Variants in LRIG3 observed in about 807,000 individuals in gnomAD.
The protein encoded by LRIG3 is leucine-rich repeats and immunoglobulin-like domains protein 3.
In LRIG3, 76 loss-of-function variants were observed where a neutral mutation model predicts 114.5. The ratio of observed to expected loss-of-function variants is 0.66; its 90% CI spans 0.55 to 0.80. The LOEUF (loss-of-function observed/expected upper bound fraction) is 0.80, where lower values mean the gene tolerates loss of function less well. LRIG3 is among the 30% of genes least tolerant of loss of function. LRIG3 has a pLI of 0.00. For synonymous variants in LRIG3, 512 were observed against 519.8 expected (o/e 0.98, Z 0.20); for missense variants, 1,239 against 1,382.8 (o/e 0.90, Z 1.65).
chr12:58,911,774 C>T (rs572915308), intron 3 of LRIG3, among the ~76,000 whole-genome samples: 92 of 152,096 alleles, frequency 6.0e-4, no homozygotes, highest in Non-Finnish European at 3.7e-4. Flanking sequence ...ATTAAAAGTG[C>T]TTGAGAAACA....
At chr12:58,883,489 T>G (rs1424370548) in intron 11 of LRIG3, 31 bp downstream of exon 11, 2 of 1,485,178 alleles carry the variant, frequency 1.3e-6, no homozygotes, top group South Asian at 1.4e-5. Flanking sequence ...CTCTATACTT[T>G]CAGACTCCTA....
chr12:58,903,754 G>A (rs1871956432), intron 3 of LRIG3, among the ~76,000 whole-genome samples: 1 of 151,868 alleles, frequency 6.6e-6, no homozygotes, highest in Non-Finnish European at 1.5e-5. Flanking sequence ...AAGGTGTAAG[G>A]AAGGGATCCA....
rs760327875 is a variant in LRIG3 at position 58,874,346 on chromosome 12, GCA to G, written c.2840-18_2840-17del. ...GGACTGCAACCTTTTTAATATGGGG[GCA>G]GTAACAGAAGGAGATTACAGTTAGC... On this transcript the variant is annotated splice_polypyrimidine_tract_variant and intron_variant, in intron 17 of 18. Coordinates refer to ENST00000320743, the MANE Select transcript of LRIG3 (RefSeq NM_153377.5). 5.6e-6 allele frequency: 9 copies of G among 1,607,042 alleles called. No homozygotes were observed. The South Asian group carries it at 1.0e-4, about 18-fold the overall frequency.
At chr12:58,890,542 A>C in intron 4 of LRIG3, 123 bp downstream of exon 4, 1 of 924,038 alleles carries the variant, frequency 1.1e-6, no homozygotes, top group Non-Finnish European at 1.5e-6. Context: ...AGCAAATTTC[A>C]AGTCAATAAA....
Position 58,875,663 on chromosome 12 carries a change from T to C in LRIG3, c.2695+782A>G, listed in dbSNP as rs17121647. 1.4e-3 allele frequency among the ~76,000 whole-genome samples: 217 copies of C among 152,356 alleles called. 1 individual carries two copies. Among genetic ancestry groups the C allele is most frequent in the African/African-American group, 5.0e-3 (207 of 41,598 alleles). The stretch of plus-strand genomic sequence containing the variant: ...TACATGCAGTAAGTAGTAGGTCTTG[T>C]ACCAAACCTGTGCTCTTGTATTATG... On this transcript the variant is annotated intron_variant, in intron 16 of 18. Transcript: ENST00000320743.
In LRIG3 at chr12:58,888,577, A is replaced by ATGTT. The variant is rs1438035211; in HGVS notation, c.804-109_804-106dup. 3 of 1,443,300 alleles carry ATGTT rather than the reference A, an allele frequency of 2.1e-6. No individual in the cohort carries two copies. The East Asian group carries it at 7.1e-5, about 34-fold the overall frequency. The allele number at this position is 1,443,300 out of a possible 1,614,324, so 89.4% of individuals were successfully genotyped here. ...TATTACAGATTCCTATTGTTATTAG[A>ATGTT]TGTTTAGCTTTTGTTATATGAAGAC... On this transcript the variant is annotated intron_variant, in intron 6 of 18. Coordinates refer to ENST00000320743, the MANE Select transcript of LRIG3 (RefSeq NM_153377.5).
rs142014926 is a variant in LRIG3 at position 58,888,873 on chromosome 12, C to G, written c.749G>C (p.Gly250Ala). ...AGCTCCATCCATAAGTTTCGTTACT[C>G]CATTTCTTTGCATTTTCAGAGACTT... ...ALKSLKMQRN[G>A]VTKLMDGAFW... The change falls in exon 6 of 19, where the codon GGA (glycine) becomes GCA (alanine). Residue 250 changes from glycine to alanine, a missense_variant. Transcript: ENST00000320743. 7 of 1,613,856 alleles carry G rather than the reference C, an allele frequency of 4.3e-6. No homozygotes were observed. In the Admixed American group the frequency reaches 5.0e-5, roughly 12 times the overall value.
At position 58,876,491 on chromosome 12, in the gene LRIG3, G is replaced by C; in HGVS notation, c.2649C>G (p.Val883=). The change falls in exon 16 of 19, where the codon GTC becomes GTG. Residue 883 remains valine (V), a synonymous_variant. Transcript: ENST00000320743. ...SSESGSHHQF[V]TSSGAGFFLP... ...AGAAAAATCCAGCACCTGAAGATGT[G>C]ACAAACTGGTGGTGGCTTCCACTTT... The C allele has an allele frequency of 6.2e-7, 1 of 1,614,076 alleles. No individual in the cohort carries two copies. The highest frequency in any genetic ancestry group is 1.1e-5 in the South Asian group (1 of 91,074).
At chr12:58,905,803 G>A (rs1216002233) in intron 3 of LRIG3, among the ~76,000 whole-genome samples, 1 of 152,138 alleles carries the variant, frequency 6.6e-6, no homozygotes, top group Non-Finnish European at 1.5e-5. Context: ...ATTCTGCAGA[G>A]TCCCCACCAG....
chr12:58,897,093 A>G (rs1871670579), intron 3 of LRIG3, among the ~76,000 whole-genome samples: 1 of 152,242 alleles, frequency 6.6e-6, no homozygotes, highest in Non-Finnish European at 1.5e-5. Context: ...TCTCATATAG[A>G]TAAAAAATAA....
chr12:58,887,029 CTT>C, intron 8 of LRIG3, 139 bp from the exon 9 acceptor site: 1 of 610,934 alleles, frequency 1.6e-6, no homozygotes, highest in Non-Finnish European at 2.8e-6. Context: ...ATAGAAAACT[CTT>C]TTTCTCCAAC....
Position 58,890,005 on chromosome 12 carries a change from A to C in LRIG3, c.650T>G (p.Leu217Arg). 6.2e-7 allele frequency: 1 copy of C among 1,613,514 alleles called. No homozygotes were observed. The highest frequency in any genetic ancestry group is 8.5e-7 in the Non-Finnish European group (1 of 1,179,656). The change falls in exon 5 of 19, where the codon CTG becomes CGG. Residue 217 changes from leucine (L) to arginine (R), a missense_variant. Transcript: ENST00000320743. ...AGGACATTTTACTTACAGATGTTGC[A>C]GTTGGGGCAGTTTAAACATCTTGGG... Reference protein sequence around the residue: ...IPPKMFKLPQLQHLELNRNKI... With the variant: ...IPPKMFKLPQRQHLELNRNKI...
At chr12:58,895,843 C>G (rs907285160) in intron 3 of LRIG3, among the ~76,000 whole-genome samples, 9 of 152,102 alleles carry the variant, frequency 5.9e-5, no homozygotes, top group Non-Finnish European at 1.2e-4. Flanking sequence ...ACTTGGGGGG[C>G]GAAACATCAC....
chr12:58,876,679 T>C (rs1360098674), intron 15 of LRIG3, 76 bp from the exon 16 acceptor site: 8 of 1,509,238 alleles, frequency 5.3e-6, no homozygotes, highest in South Asian at 2.4e-5. Context: ...GTGAATGGCA[T>C]AGACTATTTT....
At chr12:58,910,480 C>A (rs938191964) in intron 3 of LRIG3, among the ~76,000 whole-genome samples, 1 of 152,116 alleles carries the variant, frequency 6.6e-6, no homozygotes, top group Admixed American at 6.5e-5. Flanking sequence ...TGGCAGCATG[C>A]GCCTGTAGTC....
At chr12:58,907,802 G>A (rs953192521) in intron 3 of LRIG3, among the ~76,000 whole-genome samples, 8 of 152,166 alleles carry the variant, frequency 5.3e-5, no homozygotes, top group South Asian at 2.1e-4. Context: ...ACAAGGGCCC[G>A]TGATTTCTCT....
At chr12:58,872,917 G>A (rs1565612114) in intron 18 of LRIG3, 101 bp from the exon 19 acceptor site, 19 of 1,472,392 alleles carry the variant, frequency 1.3e-5, no homozygotes, top group East Asian at 4.6e-5. Flanking sequence ...ATGAATATGA[G>A]TAAGTGTTTT....
intron 3 of LRIG3, among the ~76,000 whole-genome samples, chr12:58,903,236 T>C (rs1336756882): frequency 1.3e-5 from 2 of 152,208 alleles, no homozygotes; most frequent in Non-Finnish European, 2.9e-5. Context: ...GCACCTGTTG[T>C]TTCCTGACCT....
intron 12 of LRIG3, among the ~76,000 whole-genome samples, chr12:58,882,614 C>T (rs1871156996): frequency 6.6e-6 from 1 of 152,164 alleles, no homozygotes; most frequent in African/African-American, 2.4e-5. Context: ...CCCTTCCATT[C>T]TCCCAAGATC....
Sources: allele counts gnomAD v4.1 joint callset (sites outside exome capture counted in the v4.1 genomes callset), GRCh38; gene constraint gnomAD v4.1.1; transcripts MANE v1.5; gene names NCBI Gene and HGNC (gene_info 2026-07-23, HGNC 2026-07-21).